The following MBNL1 variants were observed in gnomAD, a reference collection of about 807,000 sequenced individuals.
The protein encoded by MBNL1 is muscleblind-like protein 1.
Under a neutral mutation model 42.2 loss-of-function variants are expected in MBNL1, and 8 were observed. That is an observed-to-expected ratio of 0.19 (90% CI 0.11 to 0.34). The LOEUF (loss-of-function observed/expected upper bound fraction) is 0.34, where lower values mean the gene tolerates loss of function less well. MBNL1 is among the 10% of genes least tolerant of loss of function. The pLI is 1.00. For synonymous variants in MBNL1, 169 were observed against 173.9 expected, an observed-to-expected ratio of 0.97 and a Z score of 0.22; for missense variants, 309 against 495.3, an observed-to-expected ratio of 0.62 and a Z score of 3.57.
chr3:152,400,123 T>G (rs1218440189), intron 2 of MBNL1, among the ~76,000 whole-genome samples: 1 of 152,182 alleles, frequency 6.6e-6, no homozygotes, highest in Non-Finnish European at 1.5e-5. Flanking sequence ...GGGATTGCCA[T>G]GAGGATAAAA....
At chr3:152,373,590 G>T (rs983396346) in intron 2 of MBNL1, among the ~76,000 whole-genome samples, 1 of 152,042 alleles carries the variant, frequency 6.6e-6, no homozygotes, top group South Asian at 2.1e-4. Context: ...TGAGCTTACC[G>T]TGTGAGGTGA....
chr3:152,424,889 AC>A (rs1227884379), intron 3 of MBNL1, among the ~76,000 whole-genome samples: 15 of 152,140 alleles, frequency 9.9e-5, no homozygotes, highest in East Asian at 1.9e-4. Flanking sequence ...CTGAAACTGG[AC>A]CCCTTTCTTG....
chr3:152,301,828 G>T (rs1458279325), intron 2 of MBNL1: 2 of 152,148 alleles, frequency 1.3e-5, no homozygotes, highest in African/African-American at 4.8e-5. Context: ...TGAGGGGCAA[G>T]GAGCTAATTA....
intron 6 of MBNL1, among the ~76,000 whole-genome samples, chr3:152,451,768 G>T (rs1723475169): frequency 6.6e-6 from 1 of 152,180 alleles, no homozygotes; most frequent in Admixed American, 6.6e-5. Flanking sequence ...ACGTTTTATT[G>T]AATGGTTGCT....
chr3:152,432,145 T>C (rs897724929), intron 3 of MBNL1, among the ~76,000 whole-genome samples: 4 of 152,242 alleles, frequency 2.6e-5, no homozygotes, highest in African/African-American at 7.2e-5. Context: ...CCAAACACTT[T>C]ATCTTATGTG....
At chr3:152,346,039 G>T (rs1223285857) in intron 2 of MBNL1, among the ~76,000 whole-genome samples, 1 of 152,210 alleles carries the variant, frequency 6.6e-6, no homozygotes, top group Middle Eastern at 3.4e-3. Context: ...AGGTAGGACT[G>T]ATGGGAATTG....
chr3:152,325,110 T>C (rs2078930068), intron 2 of MBNL1, among the ~76,000 whole-genome samples: 1 of 74,178 alleles, frequency 1.3e-5, no homozygotes, highest in Non-Finnish European at 2.7e-5. Flanking sequence ...CGCTTTTTTT[T>C]CATTTGTTTT....
At chr3:152,443,315 C>T (rs912073937) in intron 4 of MBNL1, among the ~76,000 whole-genome samples, 1 of 151,884 alleles carries the variant, frequency 6.6e-6, no homozygotes, top group East Asian at 1.9e-4. Context: ...GCTGCCAATT[C>T]ATTTTGAGCA....
At chr3:152,409,815 G>A (rs908538952) in intron 2 of MBNL1, among the ~76,000 whole-genome samples, 4 of 152,092 alleles carry the variant, frequency 2.6e-5, no homozygotes, top group African/African-American at 9.7e-5. Context: ...TGTGTCTTTA[G>A]ACTCTGACTC....
At chr3:152,390,613 GCACACACACACA>G (rs3220073) in intron 2 of MBNL1, among the ~76,000 whole-genome samples, 3 of 147,156 alleles carry the variant, frequency 2.0e-5, no homozygotes, top group African/African-American at 7.5e-5. Flanking sequence ...GTATTGTTAT[GCACACACACACA>G]CACACACACA....
chr3:152,362,596 A>G (rs1467511133), intron 2 of MBNL1, among the ~76,000 whole-genome samples: 1 of 152,114 alleles, frequency 6.6e-6, no homozygotes, highest in Non-Finnish European at 1.5e-5. Flanking sequence ...TATTTGTTGT[A>G]GAGGGGTGTC....
At chr3:152,433,744 C>T (rs923428565) in intron 4 of MBNL1, among the ~76,000 whole-genome samples, 7 of 128,686 alleles carry the variant, frequency 5.4e-5, no homozygotes, top group African/African-American at 2.0e-4. Flanking sequence ...AGCGAGACTC[C>T]GTCTCAAAAA....
intron 2 of MBNL1, among the ~76,000 whole-genome samples, chr3:152,373,738 C>T (rs970485151): frequency 1.3e-5 from 2 of 152,178 alleles, no homozygotes; most frequent in Admixed American, 6.5e-5. Flanking sequence ...GAGCTGCAGA[C>T]CTGAGCTGTT....
At chr3:152,453,026 A>G (rs1463199713) in intron 6 of MBNL1, among the ~76,000 whole-genome samples, 1 of 151,644 alleles carries the variant, frequency 6.6e-6, no homozygotes, top group Non-Finnish European at 1.5e-5. Context: ...AATCATTTAT[A>G]ATTATGTATA....
At chr3:152,376,709 C>T (rs2096916572) in intron 2 of MBNL1, among the ~76,000 whole-genome samples, 1 of 152,108 alleles carries the variant, frequency 6.6e-6, no homozygotes, top group Non-Finnish European at 1.5e-5. Context: ...ATGCAGAAGC[C>T]TCATGTCATT....
intron 1 of MBNL1, chr3:152,269,480 G>A (rs1210186519): frequency 2.2e-6 from 1 of 453,848 alleles, no homozygotes; most frequent in Non-Finnish European, 4.4e-6. Context: ...GTCGAGCGGC[G>A]CGCGGGTCTT....
chr3:152,411,695 A>G (rs1384340098), intron 2 of MBNL1, among the ~76,000 whole-genome samples: 1 of 152,172 alleles, frequency 6.6e-6, no homozygotes, highest in African/African-American at 2.4e-5. Context: ...CTGTTTTTAG[A>G]CTTTTAAAAT....
intron 1 of MBNL1, among the ~76,000 whole-genome samples, chr3:152,288,962 CT>C (rs1296356173): frequency 6.6e-6 from 1 of 151,998 alleles, no homozygotes; most frequent in Non-Finnish European, 1.5e-5. Context: ...AACAGACATA[CT>C]TTTTTTGCAT....
chr3:152,309,811 A>G (rs925833140), intron 2 of MBNL1, among the ~76,000 whole-genome samples: 7 of 152,190 alleles, frequency 4.6e-5, no homozygotes, highest in African/African-American at 9.7e-5. Flanking sequence ...AAGTAGTAAC[A>G]TCTCCCAATC....
Sources: allele counts gnomAD v4.1 joint callset (sites outside exome capture counted in the v4.1 genomes callset), GRCh38; gene constraint gnomAD v4.1.1; transcripts MANE v1.5; gene names NCBI Gene and HGNC (gene_info 2026-07-23, HGNC 2026-07-21).